The following CADPS variants were observed in gnomAD, a reference collection of about 807,000 sequenced individuals.
CADPS encodes calcium-dependent secretion activator 1.
A neutral mutation model predicts 167.3 loss-of-function variants in CADPS; 57 were observed. The observed-to-expected ratio is 0.34, with a 90% CI of 0.28 to 0.42. The LOEUF (loss-of-function observed/expected upper bound fraction) is 0.42, where lower values mean the gene tolerates loss of function less well. Ranked by LOEUF, CADPS falls within the 20% of genes least tolerant of loss-of-function variation. CADPS has a pLI of 1.00. For missense variants in CADPS, 1,414 were observed against 1,738.1 expected (o/e 0.81, Z 3.32); for synonymous variants, 676 against 635.3 (o/e 1.06, Z -0.96).
intron 3 of CADPS, among the ~76,000 whole-genome samples, chr3:62,749,089 T>C (rs2082139528): frequency 6.6e-6 from 1 of 152,244 alleles, no homozygotes. Flanking sequence ...CACTGATTCA[T>C]AATAAAATTT....
At chr3:62,690,575 G>A (rs1563894778) in intron 3 of CADPS, among the ~76,000 whole-genome samples, 1 of 151,800 alleles carries the variant, frequency 6.6e-6, no homozygotes, top group Admixed American at 6.6e-5. Flanking sequence ...GACTGTCCCT[G>A]TGTCCATGCG....
At chr3:62,489,117 G>A (rs531206179) in intron 21 of CADPS, among the ~76,000 whole-genome samples, 1 of 151,904 alleles carries the variant, frequency 6.6e-6, no homozygotes, top group Non-Finnish European at 1.5e-5. Context: ...ATGGTATTAA[G>A]AATATTTAAT....
chr3:62,431,589 C>A (rs2149618518), intron 28 of CADPS, among the ~76,000 whole-genome samples: 1 of 151,412 alleles, frequency 6.6e-6, no homozygotes. Flanking sequence ...TAAACTCCTC[C>A]AGTCTGCAGA....
intron 7 of CADPS, among the ~76,000 whole-genome samples, chr3:62,589,738 G>C (rs3733119): frequency 6.6e-6 from 1 of 152,128 alleles, no homozygotes; most frequent in Non-Finnish European, 1.5e-5. Context: ...GAGGTCTCCC[G>C]CTTTCCATGG....
chr3:62,606,218 T>G (rs2060673631), intron 6 of CADPS, among the ~76,000 whole-genome samples: 1 of 152,188 alleles, frequency 6.6e-6, no homozygotes. Context: ...TGCTATGGTT[T>G]GAATATTGTC....
At chr3:62,670,990 A>C (rs1305677598) in intron 3 of CADPS, among the ~76,000 whole-genome samples, 1 of 152,186 alleles carries the variant, frequency 6.6e-6, no homozygotes, top group Non-Finnish European at 1.5e-5. Context: ...GAGACCCAGG[A>C]GCTGGAAACA....
At chr3:62,829,519 T>C (rs969603760) in intron 1 of CADPS, among the ~76,000 whole-genome samples, 3 of 152,092 alleles carry the variant, frequency 2.0e-5, no homozygotes, top group Admixed American at 6.6e-5. Flanking sequence ...TAGTGAATAT[T>C]GTATGAATAA....
chr3:62,467,652 A>C (rs537514115), intron 24 of CADPS, among the ~76,000 whole-genome samples: 17 of 152,314 alleles, frequency 1.1e-4, no homozygotes, highest in African/African-American at 4.1e-4. Context: ...AAAAACAAAC[A>C]AAAGAGATAA....
chr3:62,710,768 T>C (rs1171413774), intron 3 of CADPS, among the ~76,000 whole-genome samples: 2 of 152,202 alleles, frequency 1.3e-5, no homozygotes, highest in Non-Finnish European at 2.9e-5. Flanking sequence ...AATTTCTTCA[T>C]GAGGTGATAA....
intron 3 of CADPS, among the ~76,000 whole-genome samples, chr3:62,671,221 T>A (rs1179025345): frequency 6.6e-6 from 1 of 151,904 alleles, no homozygotes; most frequent in Non-Finnish European, 1.5e-5. Context: ...AAGGCCATAA[T>A]GTATTACTAT....
In CADPS at chr3:62,731,805, C is replaced by CAAAAAAAAAAAAAAAAAAAAAAA. The variant is rs1212456893; in HGVS notation, c.888+21613_888+21635dup. Among the ~76,000 whole-genome samples the CAAAAAAAAAAAAAAAAAAAAAAA allele has an allele frequency of 1.0e-3, 28 of 27,140 alleles. 2 individuals are homozygous for CAAAAAAAAAAAAAAAAAAAAAAA. The highest frequency in any genetic ancestry group is 1.3e-3 in the African/African-American group (8 of 6,094). 17.8% of individuals were successfully genotyped at this position (27,140 alleles called of 152,430 possible). ...CCTGGTGAAAGAAACTGATCATATG[C>CAAAAAAAAAAAAAAAAAAAAAAA]AAAAAAAAAAAAAAAAAAAAAAAAA... On this transcript the variant is annotated intron_variant, in intron 3 of 29. Coordinates refer to ENST00000383710, the MANE Select transcript of CADPS (RefSeq NM_003716.4).
chr3:62,841,932 C>T (rs533270996), intron 1 of CADPS, among the ~76,000 whole-genome samples: 67 of 152,338 alleles, frequency 4.4e-4, no homozygotes, highest in African/African-American at 1.6e-3. Flanking sequence ...CTATTGTTCA[C>T]ATACTGAAAA....
intron 2 of CADPS, among the ~76,000 whole-genome samples, chr3:62,756,372 C>T (rs1231373464): frequency 6.6e-6 from 1 of 152,182 alleles, no homozygotes; most frequent in Non-Finnish European, 1.5e-5. Context: ...TGGCCTGATT[C>T]TCCAATTTCT....
chr3:62,713,597 C>T (rs1237865922), intron 3 of CADPS, among the ~76,000 whole-genome samples: 1 of 152,240 alleles, frequency 6.6e-6, no homozygotes, highest in Admixed American at 6.5e-5. Context: ...ACTGCCTGTG[C>T]GTTAGCCCTG....
intron 21 of CADPS, among the ~76,000 whole-genome samples, chr3:62,486,491 G>C (rs546763770): frequency 6.6e-6 from 1 of 151,530 alleles, no homozygotes; most frequent in Non-Finnish European, 1.5e-5. Context: ...TGACTATTTG[G>C]AAAGTGACAT....
At chr3:62,754,818 CATG>C (rs1431593648) in intron 2 of CADPS, among the ~76,000 whole-genome samples, 1 of 152,190 alleles carries the variant, frequency 6.6e-6, no homozygotes, top group Non-Finnish European at 1.5e-5. Context: ...AAGTGCCTGG[CATG>C]ATATCAGGCA....
intron 6 of CADPS, among the ~76,000 whole-genome samples, chr3:62,599,484 T>TTATTATATATATATTTTATATA (rs2059378185): frequency 8.9e-6 from 1 of 112,130 alleles, no homozygotes; most frequent in Non-Finnish European, 1.7e-5. Flanking sequence ...GTGGTTTCTT[T>TTATTATATATATATTTTATATA]TATTATATAT....
intron 4 of CADPS, among the ~76,000 whole-genome samples, chr3:62,656,031 C>A (rs955243643): frequency 6.6e-6 from 1 of 152,140 alleles, no homozygotes; most frequent in Non-Finnish European, 1.5e-5. Context: ...TGCTTACTAG[C>A]TTTGTAAGTT....
At chr3:62,430,748 A>C (rs1001268058) in intron 28 of CADPS, among the ~76,000 whole-genome samples, 16 of 152,216 alleles carry the variant, frequency 1.1e-4, no homozygotes, top group Middle Eastern at 3.4e-3. Context: ...AATATTTAGT[A>C]GGTAATGTTA....
Sources: gnomAD v4.1 joint callset for allele counts (sites outside exome capture counted in the v4.1 genomes callset) on GRCh38, gnomAD v4.1.1 for gene constraint, MANE v1.5 for transcripts, NCBI Gene and HGNC (gene_info 2026-07-23, HGNC 2026-07-21) for gene names.